Variants in MTMR3 observed in about 807,000 individuals in gnomAD.
MTMR3 encodes myotubularin related protein 3.
A neutral mutation model predicts 132.4 loss-of-function variants in MTMR3; 32 were observed. The ratio of observed to expected loss-of-function variants is 0.24; its 90% CI spans 0.18 to 0.32. MTMR3 has a LOEUF of 0.32. Ranked by LOEUF, MTMR3 falls within the 10% of genes least tolerant of loss-of-function variation. The pLI is 1.00. For missense variants in MTMR3, 1,216 were observed against 1,489.6 expected, an observed-to-expected ratio of 0.82 and a Z score of 3.02; for synonymous variants, 556 against 550.3, an observed-to-expected ratio of 1.01 and a Z score of -0.14.
At chr22:29,968,917 A>G (rs1405636883) in intron 2 of MTMR3, among the ~76,000 whole-genome samples, 1 of 152,172 alleles carries the variant, frequency 6.6e-6, no homozygotes, top group Non-Finnish European at 1.5e-5. Flanking sequence ...CTGAACCATA[A>G]GGTTCTTCCT....
intron 1 of MTMR3, among the ~76,000 whole-genome samples, chr22:29,955,379 A>C (rs981651150): frequency 2.0e-5 from 3 of 152,216 alleles, no homozygotes. Context: ...ATTTCATGCA[A>C]ATACTCAGGT....
intron 1 of MTMR3, among the ~76,000 whole-genome samples, chr22:29,894,077 G>A (rs773054567): frequency 1.5e-4 from 23 of 151,956 alleles, no homozygotes; most frequent in Non-Finnish European, 3.2e-4. Flanking sequence ...ACTCCTGACC[G>A]CAGGTGACCC....
intron 7 of MTMR3, chr22:29,996,421 TTGTTAC>T (rs2067061190): frequency 6.6e-6 from 1 of 152,234 alleles, no homozygotes; most frequent in African/African-American, 2.4e-5. Context: ...GTGATAGTGA[TTGTTAC>T]TGTTATTATT....
chr22:29,973,932 T>C (rs1166419797), intron 3 of MTMR3, among the ~76,000 whole-genome samples: 3 of 152,166 alleles, frequency 2.0e-5, no homozygotes, highest in Non-Finnish European at 2.9e-5. Flanking sequence ...ATCTCTATGG[T>C]TGACTTCTGC....
chr22:29,886,967 A>G (rs2048998011), intron 1 of MTMR3, among the ~76,000 whole-genome samples: 1 of 152,202 alleles, frequency 6.6e-6, no homozygotes, highest in Admixed American at 6.5e-5. Flanking sequence ...ATTTATAATC[A>G]GTGTAACATT....
chr22:29,970,302 C>T (rs1032183262), intron 2 of MTMR3, among the ~76,000 whole-genome samples: 28 of 152,100 alleles, frequency 1.8e-4, no homozygotes, highest in African/African-American at 6.5e-4. Flanking sequence ...TCCTAAAATA[C>T]TACAAGAATA....
Position 29,978,550 on chromosome 22 carries a change from T to C in MTMR3, c.93+19T>C. ...TCTTCAGGTAATTATAGGCCACTTT[T>C]AAATGTAAAATATTTATTTAGCATT... On this transcript the variant is annotated intron_variant, in intron 4 of 19. Coordinates refer to ENST00000401950, the MANE Select transcript of MTMR3 (RefSeq NM_021090.4). The C allele has an allele frequency of 6.3e-7, 1 of 1,585,144 alleles. No individual in the cohort carries two copies. The highest frequency in any genetic ancestry group is 8.7e-7 in the Non-Finnish European group (1 of 1,154,246).
chr22:29,886,089 C>A (rs2064671432), intron 1 of MTMR3, among the ~76,000 whole-genome samples: 1 of 152,050 alleles, frequency 6.6e-6, no homozygotes, highest in Non-Finnish European at 1.5e-5. Context: ...TATTCTGTGC[C>A]CTCAGATATT....
intron 12 of MTMR3, chr22:30,011,727 A>C (rs1320351161): frequency 6.6e-6 from 1 of 152,360 alleles, no homozygotes; most frequent in Admixed American, 6.5e-5. Context: ...TGTTGAGCCC[A>C]GCAATACTGT....
intron 1 of MTMR3, among the ~76,000 whole-genome samples, chr22:29,886,916 C>T (rs1245471372): frequency 6.6e-6 from 1 of 152,042 alleles, no homozygotes; most frequent in African/African-American, 2.4e-5. Flanking sequence ...CTGTTTCTTA[C>T]CACCTAATTC....
intron 9 of MTMR3, chr22:30,006,256 C>G (rs1330367019): frequency 6.6e-6 from 1 of 152,190 alleles, no homozygotes; most frequent in African/African-American, 2.4e-5. Flanking sequence ...AAGGATATGT[C>G]AGAGTATGGT....
intron 1 of MTMR3, among the ~76,000 whole-genome samples, chr22:29,926,781 C>G (rs940911055): frequency 5.3e-5 from 8 of 152,100 alleles, no homozygotes; most frequent in African/African-American, 1.9e-4. Context: ...GATAGAAGTT[C>G]CTTATCCTTG....
At chr22:29,886,382 G>T (rs1053322597) in intron 1 of MTMR3, among the ~76,000 whole-genome samples, 1 of 152,214 alleles carries the variant, frequency 6.6e-6, no homozygotes, top group African/African-American at 2.4e-5. Context: ...AAGTGTTTCA[G>T]ATGTTAGTTA....
chr22:29,966,743 G>A (rs1035527623), intron 2 of MTMR3, among the ~76,000 whole-genome samples: 5 of 106,776 alleles, frequency 4.7e-5, no homozygotes, highest in Non-Finnish European at 1.0e-4. Flanking sequence ...GTGTGTGTGT[G>A]TGTGTGTGTG....
intron 2 of MTMR3, among the ~76,000 whole-genome samples, chr22:29,959,890 G>C (rs979763006): frequency 4.0e-5 from 6 of 151,470 alleles, no homozygotes; most frequent in Admixed American, 2.6e-4. Context: ...TCCTGAGTAG[G>C]TGGGACTATG....
chr22:30,011,879 A>AT (rs2067437442), intron 12 of MTMR3: 1 of 154,296 alleles, frequency 6.5e-6, no homozygotes, highest in African/African-American at 2.4e-5. Flanking sequence ...CCATTCTTGT[A>AT]TATGGCATCC....
intron 1 of MTMR3, among the ~76,000 whole-genome samples, chr22:29,885,806 AACAC>A (rs1261814557): frequency 6.6e-6 from 1 of 152,240 alleles, no homozygotes; most frequent in Non-Finnish European, 1.5e-5. Context: ...AGTTCTAGTT[AACAC>A]GTTCACACCT....
At chr22:29,919,750 A>ACT (rs1280709742) in intron 1 of MTMR3, among the ~76,000 whole-genome samples, 1 of 151,540 alleles carries the variant, frequency 6.6e-6, no homozygotes, top group Non-Finnish European at 1.5e-5. Flanking sequence ...CTAGTCTTGA[A>ACT]CTCCTGAGCT....
At chr22:29,957,844 A>G (rs1602564844) in intron 2 of MTMR3, among the ~76,000 whole-genome samples, 1 of 152,180 alleles carries the variant, frequency 6.6e-6, no homozygotes, top group East Asian at 1.9e-4. Context: ...ATATCAAGAG[A>G]GCAAGAAAGA....
Sources: allele counts gnomAD v4.1 joint callset (sites outside exome capture counted in the v4.1 genomes callset), GRCh38; gene constraint gnomAD v4.1.1; transcripts MANE v1.5; gene names NCBI Gene and HGNC (gene_info 2026-07-23, HGNC 2026-07-21).